The following TEX26 variants were observed in gnomAD, a reference collection of about 807,000 sequenced individuals.
TEX26 encodes testis expressed 26.
In TEX26, 34 loss-of-function variants were observed where a neutral mutation model predicts 35.3. The ratio of observed to expected loss-of-function variants is 0.96; its 90% CI spans 0.73 to 1.28. The LOEUF (loss-of-function observed/expected upper bound fraction) is 1.28. TEX26 is among the 50% of genes most tolerant of loss of function. The pLI is 0.00. For synonymous variants in TEX26, 136 were observed against 111.8 expected, an observed-to-expected ratio of 1.22 and a Z score of -1.36; for missense variants, 371 against 330.1, an observed-to-expected ratio of 1.12 and a Z score of -0.96.
chr13:30,950,932 A>G (rs1953897915), intron 2 of TEX26, among the ~76,000 whole-genome samples: 1 of 152,240 alleles, frequency 6.6e-6, no homozygotes, highest in African/African-American at 2.4e-5. Flanking sequence ...GGGGTAAAGG[A>G]AGAAAGAACC....
intron 5 of TEX26, 46 bp from the exon 6 acceptor site, chr13:30,968,839 T>C: frequency 6.3e-7 from 1 of 1,585,452 alleles, no homozygotes; most frequent in Non-Finnish European, 8.6e-7. Context: ...ACTGGTGTGC[T>C]TGGGTGCCAG....
chr13:30,954,721 G>T lies in TEX26; in HGVS notation c.312+1896G>T, dbSNP rs150738072. ...AATCCTTTCACCCTGGCCTTCCAAA[G>T]CCCTGGGATTACAGCCGTGAGACAC... On this transcript the variant is annotated intron_variant, in intron 3 of 6. Coordinates refer to ENST00000380473, the MANE Select transcript of TEX26 (RefSeq NM_152325.3). Among the ~76,000 whole-genome samples, 66 of 152,248 alleles carry T rather than the reference G, an allele frequency of 4.3e-4. 2 individuals carry two copies. In the East Asian group the frequency reaches 0.013, roughly 29 times the overall value.
At chr13:30,958,714 C>G (rs1954226530) in intron 4 of TEX26, among the ~76,000 whole-genome samples, 1 of 152,182 alleles carries the variant, frequency 6.6e-6, no homozygotes, top group Non-Finnish European at 1.5e-5. Context: ...GTTCTCTGGC[C>G]TTTTCTCCAA....
At chr13:30,974,141 T>A (rs1285562840) in intron 6 of TEX26, among the ~76,000 whole-genome samples, 8 of 133,780 alleles carry the variant, frequency 6.0e-5, no homozygotes, top group African/African-American at 1.9e-4. Flanking sequence ...AATATATATA[T>A]ATATATATAT....
Position 30,939,760 on chromosome 13 carries a change from C to G in TEX26, c.128C>G (p.Ala43Gly). ...ACTGCATTCACGCCTAAAACAGGAG[C>G]AGTGCCTGCCTTAATTCGGTAGATC... ...MRTAFTPKTG[A>G]VPALIRQNGI... Residue 43 changes from alanine to glycine, a missense_variant, in exon 2 of 7, where the codon GCA becomes GGA. Coordinates refer to ENST00000380473, the MANE Select transcript of TEX26 (RefSeq NM_152325.3). The G allele has an allele frequency of 6.2e-7, 1 of 1,613,880 alleles. No homozygotes were observed.
At chr13:30,952,880 C>T in intron 3 of TEX26, 55 bp downstream of exon 3, 3 of 1,448,438 alleles carry the variant, frequency 2.1e-6, no homozygotes, top group South Asian at 1.3e-5. Flanking sequence ...ATCAACAACT[C>T]ATAAGAATGA....
chr13:30,961,163 CCCT>C (rs1954324503), intron 4 of TEX26, among the ~76,000 whole-genome samples: 1 of 152,070 alleles, frequency 6.6e-6, no homozygotes, highest in Admixed American at 6.5e-5. Context: ...TTTCACTGAC[CCCT>C]CTTTTTTTCA....
intron 4 of TEX26, among the ~76,000 whole-genome samples, chr13:30,963,305 G>T (rs920716848): frequency 2.0e-5 from 3 of 152,116 alleles, no homozygotes; most frequent in Admixed American, 6.5e-5. Flanking sequence ...GGAACCCTGG[G>T]GGGAGGCGTC....
Position 30,969,817 on chromosome 13 carries a change from A to T in TEX26, c.808+771A>T, listed in dbSNP as rs569704196. Among the ~76,000 whole-genome samples the T allele has an allele frequency of 1.1e-4, 16 of 152,226 alleles. No individual in the cohort carries two copies. The South Asian group carries it at 3.3e-3, about 32-fold the overall frequency. ...AATGTATCACATACATTTATAAAACATACAAACTGTTACAGAAGGAAGTAA... is the reference window on the plus strand; with the variant it reads ...AATGTATCACATACATTTATAAAACTTACAAACTGTTACAGAAGGAAGTAA... On this transcript the variant is annotated intron_variant, in intron 6 of 6. Coordinates refer to ENST00000380473, the MANE Select transcript of TEX26 (RefSeq NM_152325.3).
chr13:30,971,806 G>A (rs894622984), intron 6 of TEX26, among the ~76,000 whole-genome samples: 1 of 152,126 alleles, frequency 6.6e-6, no homozygotes, highest in Non-Finnish European at 1.5e-5. Context: ...TAAAGACTGT[G>A]TCATCAGTCC....
chr13:30,961,936 C>G (rs1419886330), intron 4 of TEX26, among the ~76,000 whole-genome samples: 2 of 152,180 alleles, frequency 1.3e-5, no homozygotes, highest in Admixed American at 6.5e-5. Flanking sequence ...TAAAGAACAA[C>G]TATCCTGAGA....
chr13:30,948,369 G>A (rs913852640), intron 2 of TEX26, among the ~76,000 whole-genome samples: 1 of 152,148 alleles, frequency 6.6e-6, no homozygotes, highest in Non-Finnish European at 1.5e-5. Flanking sequence ...GTGTAAAATT[G>A]TTCCTATTTG....
In TEX26 at chr13:30,968,969, AC is replaced by A. The variant is rs1954630450; in HGVS notation, c.734del (p.Pro245GlnfsTer4). ...TACCAAAGTGACTACGACAAAACCT[AC>A]CCAGATTTCTTAATGCTTTTAAACT... Reference protein sequence around the residue: ...TTYQSDYDKTYPDFLMLLNSF... With the variant: ...TTYQSDYDKTXPDFLMLLNSF... On this transcript the variant is annotated frameshift_variant, in exon 6 of 7. Coordinates refer to ENST00000380473, the MANE Select transcript of TEX26 (RefSeq NM_152325.3). LOFTEE classifies it high-confidence loss of function. The A allele has an allele frequency of 1.2e-6, 2 of 1,613,986 alleles. No homozygotes were observed. Among genetic ancestry groups the A allele is most frequent in the Non-Finnish European group, 1.7e-6 (2 of 1,179,938 alleles).
intron 3 of TEX26, among the ~76,000 whole-genome samples, chr13:30,953,255 A>C (rs1400964590): frequency 6.6e-6 from 1 of 152,090 alleles, no homozygotes; most frequent in Non-Finnish European, 1.5e-5. Flanking sequence ...CCTTTTGTGG[A>C]TATTTTACAT....
At chr13:30,939,394 TAG>T (rs1754362790) in intron 1 of TEX26, among the ~76,000 whole-genome samples, 1 of 152,244 alleles carries the variant, frequency 6.6e-6, no homozygotes. Context: ...CTTAAAATGA[TAG>T]AGTTTCAGAT....
intron 2 of TEX26, among the ~76,000 whole-genome samples, chr13:30,951,024 C>A (rs1051394060): frequency 7.2e-5 from 11 of 152,234 alleles, no homozygotes; most frequent in African/African-American, 2.2e-4. Flanking sequence ...AAAATTGATT[C>A]TTTTAAAGAT....
At chr13:30,956,589 C>T (rs1037931989) in intron 3 of TEX26, among the ~76,000 whole-genome samples, 2 of 152,152 alleles carry the variant, frequency 1.3e-5, no homozygotes, top group Non-Finnish European at 2.9e-5. Flanking sequence ...TTATTTCTTC[C>T]CTTAGTCTTA....
chr13:30,962,159 C>A (rs1219425502), intron 4 of TEX26, among the ~76,000 whole-genome samples: 2 of 152,150 alleles, frequency 1.3e-5, no homozygotes, highest in Non-Finnish European at 2.9e-5. Context: ...GTCCTCTAAC[C>A]CACTGTCCAT....
chr13:30,968,893 G>C lies in TEX26; in HGVS notation c.655G>C (p.Val219Leu), dbSNP rs547741001. ...CCTGTGTATTTCTATAGTGCCTTCT[G>C]TGCTGCACAGCTACCTGAGGAACCA... ...PVASQGLVPS[V>L]LHSYLRNQEH... The change falls in exon 6 of 7, where the codon GTG (valine) becomes CTG (leucine). Residue 219 changes from valine to leucine, a missense_variant. Val to Leu is a conservative substitution (Grantham distance 32). Coordinates refer to ENST00000380473, the MANE Select transcript of TEX26 (RefSeq NM_152325.3). The C allele has an allele frequency of 1.6e-4, 261 of 1,613,684 alleles. 8 individuals carry two copies. In the South Asian group the frequency reaches 2.8e-3, roughly 17 times the overall value.
Sources: gnomAD v4.1 joint callset for allele counts (sites outside exome capture counted in the v4.1 genomes callset) on GRCh38, gnomAD v4.1.1 for gene constraint, MANE v1.5 for transcripts, NCBI Gene and HGNC (gene_info 2026-07-23, HGNC 2026-07-21) for gene names.